CPA3: variants seen among roughly 807,000 people sequenced by gnomAD.
The protein encoded by CPA3 is carboxypeptidase A3.
CPA3 carries 52 observed loss-of-function variants against 55.8 expected under a neutral mutation model. The observed-to-expected ratio is 0.93, with a 90% CI of 0.75 to 1.17. The LOEUF is 1.17. CPA3 is among the 50% of genes most tolerant of loss of function. The pLI is 0.00. For synonymous variants in CPA3, 179 were observed against 171.2 expected, an observed-to-expected ratio of 1.05 and a Z score of -0.36; for missense variants, 547 against 509.1, an observed-to-expected ratio of 1.07 and a Z score of -0.72.
Position 148,879,826 on chromosome 3 carries a change from G to A in CPA3, c.513G>A (p.Thr171=). Residue 171 remains threonine, a synonymous_variant, in exon 6 of 11, where the codon ACG becomes ACA. Coordinates refer to ENST00000296046, the MANE Select transcript of CPA3 (RefSeq NM_001870.4). ...ATGAAAGAAGAAAGGCTATTTTTAC[G>A]GATTGTGGCATTCACGCACGAGAAT... ...EKNERRKAIF[T]DCGIHAREWV... 1.2e-6 allele frequency: 2 copies of A among 1,612,412 alleles called. No homozygotes were observed. The highest frequency in any genetic ancestry group is 1.7e-6 in the Non-Finnish European group (2 of 1,178,642).
rs187835267 is a variant in CPA3, at chr3:148,878,625, C to T, written c.373-22C>T. On this transcript the variant is annotated intron_variant, in intron 4 of 10. Transcript: ENST00000296046. ...TTTGTTTTCTTTTATTCTAATTTCT[C>T]AAAATTGATTTTGCTCTTAAGATTG... 5.7e-6 allele frequency: 9 copies of T among 1,582,772 alleles called. No homozygotes were observed. The Admixed American group carries it at 1.2e-4, about 21-fold the overall frequency.
chr3:148,867,778 G>T (rs752675493), intron 2 of CPA3, among the ~76,000 whole-genome samples: 5 of 152,222 alleles, frequency 3.3e-5, no homozygotes, highest in Non-Finnish European at 7.3e-5. Flanking sequence ...GGTGGAAATT[G>T]AGCTTTTCCT....
At chr3:148,872,743 T>C (rs1302053922) in intron 3 of CPA3, among the ~76,000 whole-genome samples, 1 of 152,200 alleles carries the variant, frequency 6.6e-6, no homozygotes, top group Non-Finnish European at 1.5e-5. Flanking sequence ...ATGCATGTTA[T>C]ACTACAACAT....
chr3:148,890,814 G>C (rs4681159), intron 10 of CPA3, among the ~76,000 whole-genome samples: 66,137 of 152,086 alleles, frequency 0.43, 16,758 homozygotes, highest in Non-Finnish European at 0.57. Flanking sequence ...GCTGAAATCA[G>C]ATTTCTAGTT....
intron 3 of CPA3, among the ~76,000 whole-genome samples, chr3:148,875,739 C>A (rs1270874764): frequency 1.3e-5 from 2 of 152,104 alleles, no homozygotes; most frequent in African/African-American, 2.4e-5. Context: ...AAATCTCCTA[C>A]AGCTGTAAAA....
At position 148,865,488 on chromosome 3, in the gene CPA3, C is replaced by A. The variant is rs140527015; in HGVS notation, c.84C>A (p.Arg28=). 1.9e-6 allele frequency: 3 copies of A among 1,613,628 alleles called. No homozygotes were observed. Among genetic ancestry groups the A allele is most frequent in the Non-Finnish European group, 2.5e-6 (3 of 1,179,954 alleles). Residue 28 remains arginine, a synonymous_variant, in exon 2 of 11, where the codon CGC becomes CGA. Coordinates refer to ENST00000296046, the MANE Select transcript of CPA3 (RefSeq NM_001870.4). ...CTCCACAAAGGGAGAAGGTGTTCCG[C>A]GTGAAGCCCCAGGATGAAAAACAAG... ...PVRFDREKVF[R]VKPQDEKQAD...
chr3:148,885,038 C>T (rs897074462), intron 9 of CPA3, among the ~76,000 whole-genome samples: 1 of 152,110 alleles, frequency 6.6e-6, no homozygotes, highest in African/African-American at 2.4e-5. Context: ...CTGACAATCA[C>T]TCTCATAGCA....
chr3:148,874,736 A>G (rs1265747806), intron 3 of CPA3, among the ~76,000 whole-genome samples: 1 of 152,232 alleles, frequency 6.6e-6, no homozygotes, highest in Non-Finnish European at 1.5e-5. Context: ...CAGATCAGTC[A>G]GTCAATCAGC....
At chr3:148,883,871 T>C in intron 9 of CPA3, 56 bp downstream of exon 9, 2 of 1,269,678 alleles carry the variant, frequency 1.6e-6, no homozygotes, top group East Asian at 2.3e-5. Context: ...ACTTTCAGTC[T>C]GTTCTTCATT....
chr3:148,882,485 T>TAA lies in CPA3; in HGVS notation c.688-19_688-18insAA, dbSNP rs1559969115. 1 of 1,604,784 alleles carries TAA rather than the reference T, an allele frequency of 6.2e-7. No individual in the cohort carries two copies. The highest frequency in any genetic ancestry group is 1.1e-5 in the South Asian group (1 of 90,762). ...TGCAAACTGATCTTGTGTAAACACT[T>TAA]ACGTCATTCAATCTGGCAGAACCGC... On this transcript the variant is annotated intron_variant, in intron 7 of 10. Transcript: ENST00000296046.
At chr3:148,873,054 A>T (rs62274593) in intron 3 of CPA3, among the ~76,000 whole-genome samples, 1 of 115,736 alleles carries the variant, frequency 8.6e-6, no homozygotes, top group Admixed American at 8.9e-5. Flanking sequence ...ACACACACAC[A>T]CACACACTCA....
Position 148,886,154 on chromosome 3 carries a change from A to G in CPA3, c.1043A>G (p.Tyr348Cys), listed in dbSNP as rs1714522299. The G allele has an allele frequency of 1.2e-6, 2 of 1,612,342 alleles. No individual in the cohort carries two copies. Among genetic ancestry groups the G allele is most frequent in the Non-Finnish European group, 8.5e-7 (1 of 1,178,804 alleles). The change falls in exon 10 of 11, where the codon TAT becomes TGT. Residue 348 changes from tyrosine (Y) to cysteine (C), a missense_variant. Coordinates refer to ENST00000296046, the MANE Select transcript of CPA3 (RefSeq NM_001870.4). ...ACTCGATATGAAACCCGCTACATCTATGGCCCAATAGAATCAACAATTTGT... is the reference window on the plus strand; with the variant it reads ...ACTCGATATGAAACCCGCTACATCTGTGGCCCAATAGAATCAACAATTTGT... ...LSTRYETRYI[Y>C]GPIESTIYPI...
intron 9 of CPA3, among the ~76,000 whole-genome samples, chr3:148,884,962 G>T (rs1443478030): frequency 6.6e-6 from 1 of 152,010 alleles, no homozygotes; most frequent in Non-Finnish European, 1.5e-5. Context: ...TACGTTATAT[G>T]TATAGTCTTT....
At chr3:148,893,257 C>A in intron 10 of CPA3, among the ~76,000 whole-genome samples, 1 of 149,782 alleles carries the variant, frequency 6.7e-6, no homozygotes, top group Non-Finnish European at 1.5e-5. Context: ...AAAAAAATGC[C>A]TCAACAAACA....
chr3:148,869,774 A>G (rs957947759), intron 3 of CPA3, among the ~76,000 whole-genome samples: 6 of 152,150 alleles, frequency 3.9e-5, no homozygotes, highest in East Asian at 1.9e-4. Context: ...AGCAATGAAT[A>G]TCATAAATCA....
At chr3:148,871,276 T>A (rs1714059620) in intron 3 of CPA3, among the ~76,000 whole-genome samples, 1 of 152,178 alleles carries the variant, frequency 6.6e-6, no homozygotes, top group South Asian at 2.1e-4. Flanking sequence ...TGGATTCCTA[T>A]GATAAACTAA....
intron 9 of CPA3, among the ~76,000 whole-genome samples, chr3:148,884,085 AAC>A (rs1714454992): frequency 6.6e-6 from 1 of 152,172 alleles, no homozygotes; most frequent in African/African-American, 2.4e-5. Flanking sequence ...AGTCTATTAC[AAC>A]ACAGCTCATT....
intron 6 of CPA3, 37 bp downstream of exon 6, chr3:148,879,926 T>C (rs774825259): frequency 9.2e-6 from 13 of 1,408,210 alleles, no homozygotes; most frequent in Admixed American, 1.7e-5. Flanking sequence ...CTCCTTTGAC[T>C]GCCAAGTCTC....
At chr3:148,895,816 C>T (rs1057302376) in intron 10 of CPA3, among the ~76,000 whole-genome samples, 1 of 151,490 alleles carries the variant, frequency 6.6e-6, no homozygotes, top group Non-Finnish European at 1.5e-5. Flanking sequence ...CAAAAAAAAC[C>T]TTTTATATCA....
Sources: allele counts gnomAD v4.1 joint callset (sites outside exome capture counted in the v4.1 genomes callset), GRCh38; gene constraint gnomAD v4.1.1; transcripts MANE v1.5; gene names NCBI Gene and HGNC (gene_info 2026-07-23, HGNC 2026-07-21).